The following BMAL2 variants were observed in gnomAD, a reference collection of about 807,000 sequenced individuals.
BMAL2 encodes the protein basic helix-loop-helix ARNT-like protein 2.
chr12:27,403,117 G>A, the BMAL2 span, among the ~76,000 whole-genome samples: 2 of 152,276 alleles, frequency 1.3e-5, 1 homozygote, highest in African/African-American at 4.8e-5. Flanking sequence ...ATCTGTGTGA[G>A]TTTTTCACCA....
chr12:27,353,893 C>T, the BMAL2 span, among the ~76,000 whole-genome samples: 1 of 152,018 alleles, frequency 6.6e-6, no homozygotes, highest in South Asian at 2.1e-4. Context: ...GACAGAATGG[C>T]TATTATTAAA....
the BMAL2 span, chr12:27,333,201 C>T: frequency 8.8e-6 from 10 of 1,139,654 alleles, no homozygotes; most frequent in Admixed American, 4.6e-5. Context: ...CCCGCTGCCC[C>T]GAGGGAAGCG....
At chr12:27,356,187 C>G in the BMAL2 span, among the ~76,000 whole-genome samples, 1 of 152,168 alleles carries the variant, frequency 6.6e-6, no homozygotes, top group Non-Finnish European at 1.5e-5. Context: ...TGACTGGCCT[C>G]TTATCTGTTT....
the BMAL2 span, chr12:27,400,678 A>G: frequency 1.5e-5 from 24 of 1,613,904 alleles, no homozygotes; most frequent in Non-Finnish European, 1.9e-5. Flanking sequence ...TTACAGCCAT[A>G]TATTGTTCCA....
chr12:27,418,807 A>G, the BMAL2 span, among the ~76,000 whole-genome samples: 2 of 151,982 alleles, frequency 1.3e-5, no homozygotes, highest in Non-Finnish European at 2.9e-5. Flanking sequence ...GTGAAACCCT[A>G]TCTGTACTGA....
chr12:27,422,696 A>G, the BMAL2 span: 2 of 152,274 alleles, frequency 1.3e-5, no homozygotes, highest in Non-Finnish European at 2.9e-5. Flanking sequence ...CTAAAGAAGT[A>G]TGAAAGATCC....
chr12:27,351,075 T>C, the BMAL2 span, among the ~76,000 whole-genome samples: 1 of 146,232 alleles, frequency 6.8e-6, no homozygotes, highest in Non-Finnish European at 1.5e-5. Flanking sequence ...TTCAGCCTCG[T>C]CCTCCTATGC....
At chr12:27,386,957 T>G in the BMAL2 span, among the ~76,000 whole-genome samples, 1 of 152,168 alleles carries the variant, frequency 6.6e-6, no homozygotes, top group East Asian at 1.9e-4. Flanking sequence ...GGCCTAATTT[T>G]AGTTTTTAAG....
At chr12:27,363,683 A>G in the BMAL2 span, among the ~76,000 whole-genome samples, 713 of 152,242 alleles carry the variant, frequency 4.7e-3, 5 homozygotes, top group African/African-American at 0.017. Context: ...TATTGATTCA[A>G]AGCCATTCTT....
At chr12:27,422,875 CT>C in the BMAL2 span, 2 of 152,182 alleles carry the variant, frequency 1.3e-5, no homozygotes, top group Non-Finnish European at 2.9e-5. Context: ...CAGACTTGCC[CT>C]CGTGATGCCA....
chr12:27,363,314 A>T, the BMAL2 span, among the ~76,000 whole-genome samples: 3 of 152,198 alleles, frequency 2.0e-5, no homozygotes, highest in Non-Finnish European at 4.4e-5. Flanking sequence ...CAGCTAATAC[A>T]CAGTAAGAGT....
chr12:27,369,380 T>C, the BMAL2 span, among the ~76,000 whole-genome samples: 2 of 152,210 alleles, frequency 1.3e-5, no homozygotes, highest in African/African-American at 4.8e-5. Flanking sequence ...CAATACACTT[T>C]ATAATTTAGC....
chr12:27,397,644 A>G, the BMAL2 span, among the ~76,000 whole-genome samples: 137,797 of 152,292 alleles, frequency 0.9, 62,475 homozygotes, highest in East Asian at 1. Flanking sequence ...TAACATTGAC[A>G]TTTTAAAAAA....
chr12:27,392,682 GA>G, the BMAL2 span, among the ~76,000 whole-genome samples: 1 of 148,134 alleles, frequency 6.8e-6, no homozygotes, highest in African/African-American at 2.5e-5. Flanking sequence ...TCCGTAAGAG[GA>G]AAACATGACA....
chr12:27,390,295 AAT>A, the BMAL2 span: 7 of 1,537,386 alleles, frequency 4.6e-6, no homozygotes, highest in Non-Finnish European at 6.3e-6. Flanking sequence ...TAATGTCCTA[AAT>A]ATTTTCTGTA....
At chr12:27,390,381 C>T in the BMAL2 span, 2 of 893,106 alleles carry the variant, frequency 2.2e-6, no homozygotes, top group Admixed American at 5.9e-5. Context: ...TTTTTTTAAA[C>T]CAAAATTACT....
At chr12:27,424,088 TCTA>T in the BMAL2 span, 5 of 152,380 alleles carry the variant, frequency 3.3e-5, no homozygotes, top group South Asian at 2.1e-4. Flanking sequence ...TAAAATTAGT[TCTA>T]CTTGTATCTT....
chr12:27,411,214 A>G, the BMAL2 span, among the ~76,000 whole-genome samples: 3 of 152,098 alleles, frequency 2.0e-5, no homozygotes, highest in African/African-American at 7.2e-5. Flanking sequence ...TGCAGCCTGG[A>G]CAACCCATGC....
chr12:27,416,653 A>C, the BMAL2 span, among the ~76,000 whole-genome samples: 1 of 152,192 alleles, frequency 6.6e-6, no homozygotes, highest in Non-Finnish European at 1.5e-5. Flanking sequence ...GGACAGACAG[A>C]AACTTGAAAA....
Sources: gnomAD v4.1 joint callset for allele counts (sites outside exome capture counted in the v4.1 genomes callset) on GRCh38, gnomAD v4.1.1 for gene constraint, MANE v1.5 for transcripts, NCBI Gene and HGNC (gene_info 2026-07-23, HGNC 2026-07-21) for gene names.